Variants in HACD1 observed in about 807,000 individuals in gnomAD.
HACD1 encodes the protein 3-hydroxyacyl-CoA dehydratase 1.
HACD1 carries 41 observed loss-of-function variants against 32.0 expected under a neutral mutation model. The ratio of observed to expected loss-of-function variants is 1.28; its 90% CI spans 1.00 to 1.66. HACD1 has a LOEUF of 1.66. Among genes scored for constraint, HACD1 ranks in the 40% most tolerant of loss-of-function variants. The pLI is 0.00. For synonymous variants in HACD1, 142 were observed against 139.0 expected, an observed-to-expected ratio of 1.02 and a Z score of -0.15; for missense variants, 396 against 380.1, an observed-to-expected ratio of 1.04 and a Z score of -0.35.
At chr10:17,604,298 A>C (rs1316870629) in intron 1 of HACD1, among the ~76,000 whole-genome samples, 1 of 152,090 alleles carries the variant, frequency 6.6e-6, no homozygotes, top group Non-Finnish European at 1.5e-5. Context: ...ATCCTGGCTA[A>C]CACGGTGAAA....
chr10:17,611,373 C>T (rs1834233540), intron 1 of HACD1, among the ~76,000 whole-genome samples: 1 of 152,156 alleles, frequency 6.6e-6, no homozygotes, highest in South Asian at 2.1e-4. Flanking sequence ...TGTTTCCCCA[C>T]TTATGCCTAC....
intron 4 of HACD1, among the ~76,000 whole-genome samples, chr10:17,601,186 A>G (rs943257089): frequency 6.6e-6 from 1 of 151,900 alleles, no homozygotes; most frequent in African/African-American, 2.4e-5. Context: ...GGTGCGCACC[A>G]CCACACCTGG....
At chr10:17,613,097 GGTGTGT>G (rs56074507) in intron 1 of HACD1, among the ~76,000 whole-genome samples, 25,180 of 132,552 alleles carry the variant, frequency 0.19, 2,475 homozygotes, top group Non-Finnish European at 0.22. Context: ...TGCAATTTGG[GGTGTGT>G]GTGTGTGTGT....
intron 1 of HACD1, among the ~76,000 whole-genome samples, chr10:17,604,333 A>G (rs918709379): frequency 3.3e-5 from 5 of 152,034 alleles, no homozygotes; most frequent in Admixed American, 2.0e-4. Flanking sequence ...AAAATACAAA[A>G]AATTAGCCGG....
At chr10:17,594,596 T>C (rs1354926365) in intron 5 of HACD1, among the ~76,000 whole-genome samples, 1 of 152,210 alleles carries the variant, frequency 6.6e-6, no homozygotes, top group African/African-American at 2.4e-5. Flanking sequence ...TAATAGGCAA[T>C]GTCTTTTTAA....
intron 1 of HACD1, among the ~76,000 whole-genome samples, chr10:17,614,334 G>A (rs1588996327): frequency 6.6e-6 from 1 of 152,152 alleles, no homozygotes; most frequent in East Asian, 1.9e-4. Flanking sequence ...GCAGTGGCAC[G>A]ATCTCTCAGC....
intron 1 of HACD1, among the ~76,000 whole-genome samples, chr10:17,612,653 G>A (rs1833001747): frequency 6.6e-6 from 1 of 152,170 alleles, no homozygotes; most frequent in Non-Finnish European, 1.5e-5. Flanking sequence ...GGGCGCGGTG[G>A]CTCATGCCTG....
rs533282015 is a variant in HACD1, at chr10:17,597,942, A to G, written c.605+1348T>C. ...AGCCGCAAGTGTCTAAAAAAGAGCTAGAGAATATTAAAAAGTCACAAAGAG... is the reference window on the plus strand; with the variant it reads ...AGCCGCAAGTGTCTAAAAAAGAGCTGGAGAATATTAAAAAGTCACAAAGAG... On this transcript the variant is annotated intron_variant, in intron 5 of 6. Coordinates refer to ENST00000361271, the MANE Select transcript of HACD1 (RefSeq NM_014241.4). Among the ~76,000 whole-genome samples, 7 of 152,268 alleles carry G rather than the reference A, an allele frequency of 4.6e-5. No homozygotes were observed. In the East Asian group the frequency reaches 1.4e-3, roughly 29 times the overall value.
At chr10:17,601,167 G>A (rs1365083000) in intron 4 of HACD1, among the ~76,000 whole-genome samples, 1 of 151,946 alleles carries the variant, frequency 6.6e-6, no homozygotes, top group Admixed American at 6.6e-5. Context: ...CCGAGTAGCT[G>A]GGACTACAGG....
chr10:17,591,886 A>G (rs76751529), intron 6 of HACD1, among the ~76,000 whole-genome samples: 6,017 of 152,014 alleles, frequency 0.04, 265 homozygotes, highest in African/African-American at 0.11. Context: ...CTCACTGACC[A>G]ATTATTGTAA....
intron 1 of HACD1, among the ~76,000 whole-genome samples, chr10:17,612,936 A>G (rs1258429715): frequency 6.6e-6 from 1 of 151,754 alleles, no homozygotes; most frequent in Non-Finnish European, 1.5e-5. Flanking sequence ...AAAAAAAACA[A>G]AAACAAAAAC....
chr10:17,589,500 G>C lies in HACD1; in HGVS notation c.*864C>G, dbSNP rs571015960. 15 of 152,234 alleles carry C rather than the reference G, an allele frequency of 9.9e-5. No individual in the cohort carries two copies. Among genetic ancestry groups the C allele is most frequent in the African/African-American group, 3.1e-4 (13 of 41,534 alleles). The allele number at this position is 152,234 out of a possible 1,614,324, so 9.4% of individuals were successfully genotyped here. On this transcript the variant is annotated 3_prime_UTR_variant, in exon 7 of 7. Transcript: ENST00000361271. ...GGATGGGGTCTTGCTATGTTGCCCAGACTGGCCTTGAACTTCTGGGCTCAA... is the reference window on the plus strand; with the variant it reads ...GGATGGGGTCTTGCTATGTTGCCCACACTGGCCTTGAACTTCTGGGCTCAA...
chr10:17,600,269 C>T lies in HACD1; in HGVS notation c.484-858G>A, dbSNP rs535143869. ...CTAAAACATCTCGCCCTCTAGAAAA[C>T]TGACTCCAACCCTCTCCTCTCACCC... On this transcript the variant is annotated intron_variant, in intron 4 of 6. Transcript: ENST00000361271. Among the ~76,000 whole-genome samples the T allele has an allele frequency of 5.1e-4, 77 of 152,324 alleles. No homozygotes were observed. The Middle Eastern group carries it at 0.01, about 20-fold the overall frequency.
intron 1 of HACD1, among the ~76,000 whole-genome samples, chr10:17,610,024 A>T (rs564289602): frequency 2.1e-4 from 32 of 151,974 alleles, no homozygotes; most frequent in African/African-American, 5.8e-4. Context: ...TAAACACTTA[A>T]CTATCCTATG....
chr10:17,600,951 C>T (rs1423535743), intron 4 of HACD1, among the ~76,000 whole-genome samples: 3 of 152,124 alleles, frequency 2.0e-5, no homozygotes, highest in African/African-American at 4.8e-5. Flanking sequence ...AGATGAGGTG[C>T]ATGATTAGCA....
chr10:17,599,580 G>A (rs142786457), intron 4 of HACD1, among the ~76,000 whole-genome samples, 169 bp from the exon 5 acceptor site: 11 of 152,256 alleles, frequency 7.2e-5, no homozygotes, highest in Non-Finnish European at 1.3e-4. Context: ...AATTATAAAC[G>A]TGGAACTTAA....
chr10:17,606,883 C>G (rs1554817108), intron 1 of HACD1, among the ~76,000 whole-genome samples: 1 of 152,106 alleles, frequency 6.6e-6, no homozygotes. Context: ...CTCAAATCCT[C>G]ACAATAACCC....
chr10:17,600,459 C>T (rs1305617790), intron 4 of HACD1, among the ~76,000 whole-genome samples: 1 of 152,100 alleles, frequency 6.6e-6, no homozygotes, highest in African/African-American at 2.4e-5. Context: ...CATGCCTCAG[C>T]CTCCGGAGTA....
intron 1 of HACD1, among the ~76,000 whole-genome samples, chr10:17,610,278 A>G (rs1834214394): frequency 6.6e-6 from 1 of 152,244 alleles, no homozygotes; most frequent in African/African-American, 2.4e-5. Context: ...ATTCTGGGAA[A>G]TGAACCTTGG....
Sources: gnomAD v4.1 joint callset for allele counts (sites outside exome capture counted in the v4.1 genomes callset) on GRCh38, gnomAD v4.1.1 for gene constraint, MANE v1.5 for transcripts, NCBI Gene and HGNC (gene_info 2026-07-23, HGNC 2026-07-21) for gene names.